ANK3: variants seen among roughly 807,000 people sequenced by gnomAD.
ANK3 encodes the protein ankyrin-3.
In ANK3, 57 loss-of-function variants were observed where a neutral mutation model predicts 370.9. The ratio of observed to expected loss-of-function variants is 0.15; its 90% confidence interval spans 0.12 to 0.19. The LOEUF is 0.19. Among genes scored for constraint, ANK3 ranks in the 10% least tolerant of loss-of-function variants. The probability of loss-of-function intolerance (pLI) is 1.00; values close to 1 mark genes in which losing one functional copy is unlikely to be tolerated. For synonymous variants in ANK3, 1,929 were observed against 1,946.3 expected (o/e 0.99, Z 0.23); for missense variants, 4,439 against 5,302.1 (o/e 0.84, Z 5.06).
intron 29 of ANK3, 22 bp downstream of exon 29, chr10:60,088,125 A>G: frequency 6.2e-7 from 1 of 1,609,850 alleles, no homozygotes; most frequent in Non-Finnish European, 8.5e-7. Flanking sequence ...TACTGAGGGA[A>G]ACAACTTTTT....
At chr10:60,134,895 C>A (rs1281353664) in intron 24 of ANK3, among the ~76,000 whole-genome samples, 2 of 152,206 alleles carry the variant, frequency 1.3e-5, no homozygotes, top group African/African-American at 4.8e-5. Flanking sequence ...TTTGCATGAT[C>A]CTTTTTGCCA....
intron 1 of ANK3, among the ~76,000 whole-genome samples, chr10:60,350,558 C>T (rs779673008): frequency 8.5e-5 from 13 of 152,190 alleles, no homozygotes; most frequent in African/African-American, 2.9e-4. Flanking sequence ...CCTCTCAATC[C>T]TATTTCCCCA....
intron 2 of ANK3, among the ~76,000 whole-genome samples, chr10:60,486,394 C>G (rs1175348819): frequency 6.6e-6 from 1 of 152,194 alleles, no homozygotes; most frequent in Non-Finnish European, 1.5e-5. Flanking sequence ...GCCTGGCCAA[C>G]ATGGCAAAAC....
intron 16 of ANK3, among the ~76,000 whole-genome samples, chr10:60,191,209 TGCA>T (rs1224702681): frequency 1.3e-5 from 2 of 152,018 alleles, no homozygotes; most frequent in African/African-American, 2.4e-5. Flanking sequence ...CAAAATCAAA[TGCA>T]GCAAGTCAAA....
At chr10:60,435,924 A>G (rs540525444) in intron 2 of ANK3, among the ~76,000 whole-genome samples, 6 of 152,232 alleles carry the variant, frequency 3.9e-5, no homozygotes, top group African/African-American at 1.4e-4. Flanking sequence ...CGTCTCTACT[A>G]AAAATACAAA....
rs566280401 is a variant in ANK3 at position 60,171,063 on chromosome 10, T to A, written c.2478+1245A>T. Among the ~76,000 whole-genome samples the A allele has an allele frequency of 5.3e-5, 8 of 152,328 alleles. No individual in the cohort carries two copies. The East Asian group carries it at 1.5e-3, about 29-fold the overall frequency. The stretch of plus-strand genomic sequence containing the variant: ...ATCCTAGATAGAGCTACATGGGATA[T>A]AAAATTAAAGGTAATAAACATTATT... On this transcript the variant is annotated intron_variant, in intron 21 of 43. Coordinates refer to ENST00000280772, the MANE Select transcript of ANK3 (RefSeq NM_020987.5).
At chr10:60,324,214 T>C (rs1467102345) in intron 1 of ANK3, among the ~76,000 whole-genome samples, 1 of 152,234 alleles carries the variant, frequency 6.6e-6, no homozygotes, top group African/African-American at 2.4e-5. Flanking sequence ...GAATCTCATG[T>C]ACATGTCGAG....
At chr10:60,221,089 T>TG (rs1020079276) in intron 8 of ANK3, among the ~76,000 whole-genome samples, 1 of 151,632 alleles carries the variant, frequency 6.6e-6, no homozygotes, top group Admixed American at 6.6e-5. Context: ...TTTGCCTTTT[T>TG]TTTTTTTTGA....
chr10:60,299,167 T>C (rs540625424), intron 1 of ANK3, among the ~76,000 whole-genome samples: 1 of 152,302 alleles, frequency 6.6e-6, no homozygotes, highest in South Asian at 2.1e-4. Context: ...AGAATGTTTA[T>C]AAAATCTCAC....
intron 2 of ANK3, among the ~76,000 whole-genome samples, chr10:60,524,188 A>C (rs1342374837): frequency 6.6e-6 from 1 of 152,096 alleles, no homozygotes; most frequent in Non-Finnish European, 1.5e-5. Flanking sequence ...TCCTGGACTA[A>C]ATCAAATCTT....
At chr10:60,572,364 T>C in intron 2 of ANK3, 2 of 1,208,822 alleles carry the variant, frequency 1.7e-6, no homozygotes, top group Non-Finnish European at 2.3e-6. Context: ...AGCAGCTTCT[T>C]AAAAATCTAA....
At chr10:60,566,471 G>A (rs2077464545) in intron 2 of ANK3, among the ~76,000 whole-genome samples, 1 of 152,180 alleles carries the variant, frequency 6.6e-6, no homozygotes, top group Non-Finnish European at 1.5e-5. Flanking sequence ...CAAAAAGCAA[G>A]TTTTTGAAGG....
At chr10:60,029,875 C>CTTTTTCTTTTTTTTTT (rs2072915122) in intron 43 of ANK3, 49 bp from the exon 44 acceptor site, 1 of 68,606 alleles carries the variant, frequency 1.5e-5, no homozygotes, top group African/African-American at 6.6e-5. Flanking sequence ...TTTTCTTTTT[C>CTTTTTCTTTTTTTTTT]TTTTTTTTTT....
intron 1 of ANK3, among the ~76,000 whole-genome samples, chr10:60,286,806 T>C (rs1026351530): frequency 1.6e-4 from 25 of 152,208 alleles, no homozygotes; most frequent in Admixed American, 1.5e-3. Flanking sequence ...AATTTGAGAT[T>C]GGTTCTGCCA....
chr10:60,363,344 C>T (rs1400292763), intron 1 of ANK3, among the ~76,000 whole-genome samples: 1 of 152,080 alleles, frequency 6.6e-6, no homozygotes, highest in Admixed American at 6.6e-5. Flanking sequence ...AAAAAGAAAC[C>T]CCTCTTTGTT....
chr10:60,601,871 A>G (rs918929000), intron 2 of ANK3, among the ~76,000 whole-genome samples: 1 of 152,152 alleles, frequency 6.6e-6, no homozygotes, highest in Non-Finnish European at 1.5e-5. Context: ...CTGAAAGACA[A>G]AGTTTACTTT....
At chr10:60,426,963 TTC>T (rs2063902211) in intron 2 of ANK3, among the ~76,000 whole-genome samples, 1 of 152,128 alleles carries the variant, frequency 6.6e-6, no homozygotes, top group African/African-American at 2.4e-5. Context: ...GAGCCTCAGG[TTC>T]TCTTCTGTAA....
intron 1 of ANK3, among the ~76,000 whole-genome samples, chr10:60,282,071 G>A (rs190141754): frequency 6.5e-4 from 99 of 152,208 alleles, no homozygotes; most frequent in African/African-American, 1.8e-3. Flanking sequence ...TCATTGCACC[G>A]TAAAATATCA....
intron 1 of ANK3, among the ~76,000 whole-genome samples, chr10:60,291,759 T>A (rs1315565940): frequency 6.6e-6 from 1 of 152,110 alleles, no homozygotes; most frequent in Admixed American, 6.5e-5. Context: ...CCCCAGACAG[T>A]CTGTCTCTAT....
Sources: gnomAD v4.1 joint callset for allele counts (sites outside exome capture counted in the v4.1 genomes callset) on GRCh38, gnomAD v4.1.1 for gene constraint, MANE v1.5 for transcripts, NCBI Gene and HGNC (gene_info 2026-07-23, HGNC 2026-07-21) for gene names.